The following EPSTI1 variants were observed in gnomAD, a reference collection of about 807,000 sequenced individuals.
The protein encoded by EPSTI1 is epithelial stromal interaction 1.
In EPSTI1, 66 loss-of-function variants were observed where a neutral mutation model predicts 49.9. The observed-to-expected ratio is 1.32, with a 90% CI of 1.08 to 1.62. The LOEUF (loss-of-function observed/expected upper bound fraction) is 1.62, where lower values mean the gene tolerates loss of function less well. Among genes scored for constraint, EPSTI1 ranks in the 40% most tolerant of loss-of-function variants. The probability of loss-of-function intolerance (pLI) is 0.00; values close to 1 mark genes in which losing one functional copy is unlikely to be tolerated. For missense variants in EPSTI1, 394 were observed against 365.5 expected (o/e 1.08, Z -0.64); for synonymous variants, 137 against 130.7 (o/e 1.05, Z -0.33).
chr13:42,964,565 A>C (rs1256420236), intron 3 of EPSTI1, among the ~76,000 whole-genome samples: 1 of 151,946 alleles, frequency 6.6e-6, no homozygotes, highest in East Asian at 1.9e-4. Flanking sequence ...TCTTCTTCTA[A>C]CTCTATTGCC....
At chr13:42,966,859 T>C (rs1207169381) in intron 3 of EPSTI1, among the ~76,000 whole-genome samples, 2 of 70,286 alleles carry the variant, frequency 2.8e-5, no homozygotes, top group Non-Finnish European at 6.2e-5. Flanking sequence ...GGGGAAAAGA[T>C]TGAGAAATCG....
At chr13:42,970,566 A>G (rs758034140) in intron 2 of EPSTI1, 46 bp downstream of exon 2, 1 of 1,499,748 alleles carries the variant, frequency 6.7e-7, no homozygotes, top group South Asian at 1.3e-5. Flanking sequence ...AACCAATTGT[A>G]AAAAGAGAGA....
chr13:42,890,578 G>A (rs1340918329), intron 10 of EPSTI1, among the ~76,000 whole-genome samples: 3 of 152,090 alleles, frequency 2.0e-5, no homozygotes, highest in Non-Finnish European at 2.9e-5. Context: ...GATTACAGGC[G>A]TGAGCTACCG....
At chr13:42,974,541 T>C (rs908249858) in intron 1 of EPSTI1, among the ~76,000 whole-genome samples, 40 of 150,532 alleles carry the variant, frequency 2.7e-4, no homozygotes, top group East Asian at 2.0e-4. Flanking sequence ...CGCCTATAGT[T>C]CCAGCTACTT....
intron 6 of EPSTI1, among the ~76,000 whole-genome samples, chr13:42,941,865 G>A (rs997541836): frequency 3.3e-5 from 5 of 151,802 alleles, no homozygotes; most frequent in Admixed American, 6.6e-5. Flanking sequence ...TACATTTTAT[G>A]TCTATACAAT....
chr13:42,953,921 C>T (rs1277214484), intron 6 of EPSTI1, 27 bp downstream of exon 6: 2 of 1,593,372 alleles, frequency 1.3e-6, no homozygotes, highest in East Asian at 2.2e-5. Flanking sequence ...CCTATAAAGG[C>T]ACGAAGTTCT....
intron 9 of EPSTI1, among the ~76,000 whole-genome samples, chr13:42,896,130 G>A (rs117637894): frequency 1.3e-3 from 192 of 152,284 alleles, no homozygotes; most frequent in Non-Finnish European, 1.9e-3. Flanking sequence ...GATGCCAGGC[G>A]TGTGTGGGCT....
chr13:42,978,926 T>C (rs2039932805), intron 1 of EPSTI1, among the ~76,000 whole-genome samples: 1 of 152,218 alleles, frequency 6.6e-6, no homozygotes, highest in Non-Finnish European at 1.5e-5. Flanking sequence ...TATTTCTTTA[T>C]ATCCCTGTTT....
At chr13:42,957,598 C>G (rs555676844) in intron 5 of EPSTI1, among the ~76,000 whole-genome samples, 1 of 152,274 alleles carries the variant, frequency 6.6e-6, no homozygotes, top group Admixed American at 6.5e-5. Context: ...TTATTTGAGA[C>G]AAGGTCTTGC....
chr13:42,969,282 G>A (rs2039707588), intron 2 of EPSTI1, 105 bp from the exon 3 acceptor site: 7 of 1,038,340 alleles, frequency 6.7e-6, no homozygotes, highest in African/African-American at 6.4e-5. Flanking sequence ...TTAACTATAT[G>A]TGAGCATGAG....
At chr13:42,990,411 T>TA (rs1225682282) in intron 1 of EPSTI1, among the ~76,000 whole-genome samples, 2 of 152,188 alleles carry the variant, frequency 1.3e-5, no homozygotes, top group African/African-American at 4.8e-5. Flanking sequence ...AGTTAATACT[T>TA]ATGCGATGAT....
In EPSTI1 at chr13:42,893,290, T is replaced by C. The variant is rs1040794536; in HGVS notation, c.915+1719A>G. ...CGAGATGGAACATTCAGCAATTCAG[T>C]AGAGAGGAGAGAGTATTATTAGAAC... On this transcript the variant is annotated intron_variant, in intron 10 of 10. Coordinates refer to ENST00000313624, the MANE Select transcript of EPSTI1 (RefSeq NM_033255.5). Among the ~76,000 whole-genome samples the C allele has an allele frequency of 1.3e-5, 2 of 152,234 alleles. 1 individual carries two copies. The highest frequency in any genetic ancestry group is 2.9e-5 in the Non-Finnish European group (2 of 67,996).
At chr13:42,924,271 T>C (rs1566121892) in intron 7 of EPSTI1, among the ~76,000 whole-genome samples, 1 of 152,204 alleles carries the variant, frequency 6.6e-6, no homozygotes, top group Admixed American at 6.5e-5. Context: ...TGCGTGGAGT[T>C]TATAAGGAAC....
intron 5 of EPSTI1, among the ~76,000 whole-genome samples, chr13:42,955,176 T>C (rs1045980759): frequency 6.6e-6 from 1 of 152,118 alleles, no homozygotes; most frequent in African/African-American, 2.4e-5. Context: ...TGGAAAATTG[T>C]AAAACCAAAT....
chr13:42,924,049 T>A (rs550486835), intron 7 of EPSTI1, among the ~76,000 whole-genome samples: 2 of 152,352 alleles, frequency 1.3e-5, no homozygotes, highest in East Asian at 3.9e-4. Flanking sequence ...GCAGGTGTCC[T>A]CTTTTTACAA....
intron 7 of EPSTI1, among the ~76,000 whole-genome samples, chr13:42,925,821 C>T (rs928629335): frequency 3.9e-5 from 6 of 152,186 alleles, no homozygotes; most frequent in African/African-American, 1.4e-4. Context: ...AAGCATCTAA[C>T]GCACATGGTC....
intron 7 of EPSTI1, among the ~76,000 whole-genome samples, chr13:42,918,682 G>A (rs2037906492): frequency 6.6e-6 from 1 of 152,228 alleles, no homozygotes; most frequent in Non-Finnish European, 1.5e-5. Flanking sequence ...GGCAGTGCCA[G>A]TTAGAAAACT....
chr13:42,905,258 G>A (rs917142295), intron 8 of EPSTI1, among the ~76,000 whole-genome samples: 2 of 152,136 alleles, frequency 1.3e-5, no homozygotes, highest in African/African-American at 4.8e-5. Flanking sequence ...AAACGCGGAC[G>A]GGAGCTGATG....
intron 3 of EPSTI1, among the ~76,000 whole-genome samples, chr13:42,968,127 C>T (rs1310466951): frequency 6.6e-6 from 1 of 152,192 alleles, no homozygotes; most frequent in Non-Finnish European, 1.5e-5. Context: ...ACTGTTCTCA[C>T]ATAGCCAATC....
Sources: allele counts gnomAD v4.1 joint callset (sites outside exome capture counted in the v4.1 genomes callset), GRCh38; gene constraint gnomAD v4.1.1; transcripts MANE v1.5; gene names NCBI Gene and HGNC (gene_info 2026-07-23, HGNC 2026-07-21).